Variants in CCDC148 observed in about 807,000 individuals in gnomAD.
The protein encoded by CCDC148 is coiled-coil domain-containing protein 148.
In CCDC148, 89 loss-of-function variants were observed where a neutral mutation model predicts 85.7. That is an observed-to-expected ratio of 1.04 (90% CI 0.87 to 1.24). The LOEUF (loss-of-function observed/expected upper bound fraction) is 1.24, where lower values mean the gene tolerates loss of function less well. Among genes scored for constraint, CCDC148 ranks in the 50% most tolerant of loss-of-function variants. The pLI, the probability that CCDC148 is intolerant of heterozygous loss-of-function variation, is 0.00. For missense variants in CCDC148, 692 were observed against 671.7 expected, an observed-to-expected ratio of 1.03 and a Z score of -0.33; for synonymous variants, 230 against 213.9, an observed-to-expected ratio of 1.08 and a Z score of -0.66.
intron 1 of CCDC148, among the ~76,000 whole-genome samples, chr2:158,454,136 A>C (rs755381360): frequency 6.6e-6 from 1 of 152,232 alleles, no homozygotes; most frequent in Non-Finnish European, 1.5e-5. Flanking sequence ...GACAAAGAGC[A>C]CAATCTTCAA....
At position 158,456,499 on chromosome 2, in the gene CCDC148, C is replaced by T; in HGVS notation, c.-60G>A. The T allele has an allele frequency of 6.3e-7, 1 of 1,583,014 alleles. No individual in the cohort carries two copies. Among genetic ancestry groups the T allele is most frequent in the Non-Finnish European group, 8.6e-7 (1 of 1,164,746 alleles). On this transcript the variant is annotated 5_prime_UTR_variant, in exon 1 of 14. Coordinates refer to ENST00000283233, the MANE Select transcript of CCDC148 (RefSeq NM_138803.4). ...CCAAACGCAGGAAAAGTGAAACGCC[C>T]ACTCCTGGGCTCTCGCCGTCAGGGG...
chr2:158,383,505 T>A (rs1684962910), intron 1 of CCDC148, among the ~76,000 whole-genome samples: 1 of 152,162 alleles, frequency 6.6e-6, no homozygotes, highest in Admixed American at 6.5e-5. Flanking sequence ...TCAATGTGAA[T>A]AGAATTATTT....
intron 1 of CCDC148, among the ~76,000 whole-genome samples, chr2:158,374,583 C>T (rs1347057942): frequency 6.6e-6 from 1 of 151,764 alleles, no homozygotes; most frequent in Admixed American, 6.6e-5. Context: ...GAAGAGGATG[C>T]TGCAATTGGA....
chr2:158,318,776 GT>G (rs753053840), intron 7 of CCDC148, among the ~76,000 whole-genome samples: 3 of 77,638 alleles, frequency 3.9e-5, no homozygotes, highest in African/African-American at 4.8e-5. Flanking sequence ...GCCTTTTACT[GT>G]TTTTTTTTTG....
chr2:158,267,469 A>G (rs1357982643), intron 9 of CCDC148, among the ~76,000 whole-genome samples: 1 of 152,204 alleles, frequency 6.6e-6, no homozygotes, highest in Non-Finnish European at 1.5e-5. Context: ...ATTTTATTTT[A>G]CAGTTGCCTT....
intron 11 of CCDC148, among the ~76,000 whole-genome samples, chr2:158,190,232 AT>A (rs1177123798): frequency 6.6e-6 from 1 of 151,944 alleles, no homozygotes; most frequent in Non-Finnish European, 1.5e-5. Context: ...ACTTGCTAGG[AT>A]CATGATTTTG....
rs769409696 is a variant in CCDC148, at chr2:158,358,452, T to C, written c.144A>G (p.Leu48=). The stretch of plus-strand genomic sequence containing the variant: ...ACATACACACACAACTTCTAACCTT[T>C]AGCTTTGCAGAGGCAGAAGCCAATT... ...AKKLASASAK[L]KIRKAMLTSK... The change falls in exon 2 of 14, where the codon CTA becomes CTG. Residue 48 remains leucine (L), a synonymous_variant. Coordinates refer to ENST00000283233, the MANE Select transcript of CCDC148 (RefSeq NM_138803.4). 7.4e-5 allele frequency: 119 copies of C among 1,605,472 alleles called. No individual in the cohort carries two copies. Among genetic ancestry groups the C allele is most frequent in the Non-Finnish European group, 1.0e-4 (118 of 1,177,386 alleles).
chr2:158,275,270 G>A (rs1327268321), intron 9 of CCDC148, among the ~76,000 whole-genome samples: 3 of 152,126 alleles, frequency 2.0e-5, no homozygotes, highest in Non-Finnish European at 4.4e-5. Context: ...CCTTACCTGT[G>A]GCTTCAGGAT....
chr2:158,288,676 C>T (rs578195498), intron 9 of CCDC148: 124 of 241,112 alleles, frequency 5.1e-4, no homozygotes, highest in South Asian at 4.8e-3. Flanking sequence ...CACATTTTCC[C>T]GTCTTCTTCT....
chr2:158,173,331 C>T (rs1684406565), intron 13 of CCDC148, among the ~76,000 whole-genome samples: 1 of 152,060 alleles, frequency 6.6e-6, no homozygotes, highest in Non-Finnish European at 1.5e-5. Context: ...ACAGATGCTT[C>T]TCAGACTAGG....
At chr2:158,418,028 A>AT (rs1346931970) in intron 1 of CCDC148, among the ~76,000 whole-genome samples, 2 of 152,162 alleles carry the variant, frequency 1.3e-5, no homozygotes, top group African/African-American at 2.4e-5. Flanking sequence ...GTAATCTATT[A>AT]TTTTTTTAAA....
intron 10 of CCDC148, among the ~76,000 whole-genome samples, chr2:158,225,160 C>A (rs1301241950): frequency 6.6e-6 from 1 of 152,110 alleles, no homozygotes; most frequent in Non-Finnish European, 1.5e-5. Context: ...CAATCCTAGT[C>A]TCTGATAAAA....
intron 1 of CCDC148, among the ~76,000 whole-genome samples, chr2:158,427,387 G>C (rs1687124793): frequency 6.6e-6 from 1 of 152,148 alleles, no homozygotes; most frequent in Non-Finnish European, 1.5e-5. Context: ...CAAAGTGGCA[G>C]TGACATAACC....
At chr2:158,408,467 G>C (rs1157888648) in intron 1 of CCDC148, among the ~76,000 whole-genome samples, 1 of 152,008 alleles carries the variant, frequency 6.6e-6, no homozygotes, top group African/African-American at 2.4e-5. Flanking sequence ...CCACATATAA[G>C]TGAGATCATG....
intron 7 of CCDC148, among the ~76,000 whole-genome samples, chr2:158,326,890 G>T (rs1177644176): frequency 6.6e-6 from 1 of 152,022 alleles, no homozygotes; most frequent in Admixed American, 6.6e-5. Context: ...ATATATGTTT[G>T]CTTTTTCCTG....
chr2:158,281,504 C>T (rs142337412), intron 9 of CCDC148, among the ~76,000 whole-genome samples: 26,782 of 151,782 alleles, frequency 0.18, 3,053 homozygotes, highest in Middle Eastern at 0.26. Flanking sequence ...AACACCTCTA[C>T]GCAAATAAAC....
intron 3 of CCDC148, 72 bp downstream of exon 3, chr2:158,345,143 T>TA (rs1303119247): frequency 4.1e-5 from 42 of 1,035,266 alleles, no homozygotes; most frequent in Non-Finnish European, 5.9e-5. Context: ...TGGAACATTA[T>TA]AGAACATCTG....
chr2:158,244,481 T>C (rs944371093), intron 10 of CCDC148, among the ~76,000 whole-genome samples: 4 of 152,146 alleles, frequency 2.6e-5, no homozygotes, highest in Admixed American at 6.5e-5. Context: ...TCCAGTTCTT[T>C]ATGGCTATGG....
At chr2:158,436,283 G>C (rs928639488) in intron 1 of CCDC148, among the ~76,000 whole-genome samples, 1 of 152,120 alleles carries the variant, frequency 6.6e-6, no homozygotes, top group Non-Finnish European at 1.5e-5. Context: ...CTGTCTCTCG[G>C]ACCACAGTGC....
Sources: gnomAD v4.1 joint callset for allele counts (sites outside exome capture counted in the v4.1 genomes callset) on GRCh38, gnomAD v4.1.1 for gene constraint, MANE v1.5 for transcripts, NCBI Gene and HGNC (gene_info 2026-07-23, HGNC 2026-07-21) for gene names.